KAZN: variants seen among roughly 807,000 people sequenced by gnomAD.
KAZN encodes the protein kazrin.
Under a neutral mutation model 87.4 loss-of-function variants are expected in KAZN, and 40 were observed. The ratio of observed to expected loss-of-function variants is 0.46; its 90% CI spans 0.36 to 0.60. The LOEUF (loss-of-function observed/expected upper bound fraction) is 0.60. Among genes scored for constraint, KAZN ranks in the 20% least tolerant of loss-of-function variants. The pLI, the probability that KAZN is intolerant of heterozygous loss-of-function variation, is 0.00. For missense variants in KAZN, 898 were observed against 1,073.9 expected (o/e 0.84, Z 2.29); for synonymous variants, 466 against 458.3 (o/e 1.02, Z -0.22).
chr1:15,006,370 C>A (rs889706205), intron 2 of KAZN, among the ~76,000 whole-genome samples: 3 of 152,160 alleles, frequency 2.0e-5, no homozygotes, highest in Admixed American at 6.5e-5. Flanking sequence ...ACCTTGCATG[C>A]AGCAGCAGCT....
chr1:15,105,104 G>A (rs550499316), intron 13 of KAZN, among the ~76,000 whole-genome samples: 1 of 152,290 alleles, frequency 6.6e-6, no homozygotes, highest in East Asian at 1.9e-4. Flanking sequence ...ATTTATAAGG[G>A]ATATTGGTCT....
intron 1 of KAZN, among the ~76,000 whole-genome samples, chr1:14,169,865 C>T (rs925499938): frequency 6.6e-6 from 1 of 152,170 alleles, no homozygotes; most frequent in African/African-American, 2.4e-5. Flanking sequence ...AAGATGAAGT[C>T]ACTTCCCAAC....
At chr1:15,095,431 T>C (rs1640764776) in intron 10 of KAZN, among the ~76,000 whole-genome samples, 1 of 152,178 alleles carries the variant, frequency 6.6e-6, no homozygotes, top group Non-Finnish European at 1.5e-5. Flanking sequence ...TTAGCAAGCA[T>C]ACCTGGGATG....
chr1:14,284,241 A>G (rs902062496), intron 2 of KAZN, among the ~76,000 whole-genome samples: 2 of 152,194 alleles, frequency 1.3e-5, no homozygotes, highest in Non-Finnish European at 1.5e-5. Flanking sequence ...TATACTAAAA[A>G]TATTGTATAT....
chr1:14,108,155 C>T (rs1323398000), intron 1 of KAZN, among the ~76,000 whole-genome samples: 1 of 152,088 alleles, frequency 6.6e-6, no homozygotes, highest in African/African-American at 2.4e-5. Flanking sequence ...GTACCCCAAA[C>T]TCCTCCAGTC....
At chr1:14,575,238 C>T (rs1456626191) in intron 2 of KAZN, among the ~76,000 whole-genome samples, 1 of 151,784 alleles carries the variant, frequency 6.6e-6, no homozygotes, top group Non-Finnish European at 1.5e-5. Flanking sequence ...TTAGTCTGTT[C>T]TCATGCTGCT....
At chr1:14,303,674 C>G (rs1654716367) in intron 2 of KAZN, among the ~76,000 whole-genome samples, 1 of 152,228 alleles carries the variant, frequency 6.6e-6, no homozygotes, top group African/African-American at 2.4e-5. Context: ...CAAGGCTCAT[C>G]TTTGCTTACA....
chr1:15,084,128 T>G (rs1640137881), intron 8 of KAZN, among the ~76,000 whole-genome samples: 1 of 152,220 alleles, frequency 6.6e-6, no homozygotes, highest in African/African-American at 2.4e-5. Flanking sequence ...AGGGAAGGGC[T>G]GAGCTGGGGG....
chr1:14,119,319 G>A (rs1288588111), intron 1 of KAZN, among the ~76,000 whole-genome samples: 1 of 152,096 alleles, frequency 6.6e-6, no homozygotes, highest in Non-Finnish European at 1.5e-5. Context: ...GCTCAGCCCA[G>A]AAGCTCTGGG....
At chr1:14,063,657 G>A (rs1642883537) in intron 1 of KAZN, among the ~76,000 whole-genome samples, 1 of 152,128 alleles carries the variant, frequency 6.6e-6, no homozygotes, top group Admixed American at 6.5e-5. Context: ...TTTCAGGTAG[G>A]TCAGTGATAT....
chr1:14,617,322 G>GC (rs944456613), intron 1 of KAZN, among the ~76,000 whole-genome samples: 2 of 152,176 alleles, frequency 1.3e-5, no homozygotes, highest in Non-Finnish European at 2.9e-5. Context: ...CTACATCGTA[G>GC]CCTATTAAGT....
intron 2 of KAZN, among the ~76,000 whole-genome samples, chr1:14,386,678 T>G (rs1009239795): frequency 2.6e-5 from 4 of 152,198 alleles, no homozygotes; most frequent in Admixed American, 6.5e-5. Flanking sequence ...TCTGCCGAGA[T>G]ATCCGCTGTT....
At chr1:14,739,807 G>C (rs1266940902) in intron 1 of KAZN, among the ~76,000 whole-genome samples, 1 of 151,364 alleles carries the variant, frequency 6.6e-6, no homozygotes, top group East Asian at 1.9e-4. Flanking sequence ...ATGTTGATCT[G>C]TCTGCCCACG....
chr1:15,075,891 G>A (rs181438355), intron 8 of KAZN, among the ~76,000 whole-genome samples: 49 of 152,366 alleles, frequency 3.2e-4, no homozygotes, highest in African/African-American at 9.1e-4. Context: ...CATGCTGCCA[G>A]GGTGTCTGGC....
At chr1:14,359,133 T>C (rs1659285880) in intron 2 of KAZN, among the ~76,000 whole-genome samples, 1 of 152,240 alleles carries the variant, frequency 6.6e-6, no homozygotes, top group Non-Finnish European at 1.5e-5. Flanking sequence ...ATATTTAGGA[T>C]AGTTAGCTCT....
At position 14,936,021 on chromosome 1, in the gene KAZN, C is replaced by T. The variant is rs550297158; in HGVS notation, c.227-24663C>T. Among the ~76,000 whole-genome samples the T allele has an allele frequency of 5.9e-5, 9 of 152,358 alleles. No homozygotes were observed. The South Asian group carries it at 6.2e-4, about 11-fold the overall frequency. ...CTCCAAGCCCCCCTGCCCTTGGGGA[C>T]GCCTGGACGACATCCGCCCATCCCA... is the stretch of plus-strand genomic sequence containing the variant. On this transcript the variant is annotated intron_variant, in intron 1 of 14. Transcript: ENST00000376030.
chr1:14,737,255 A>G (rs942349274), intron 1 of KAZN, among the ~76,000 whole-genome samples: 10 of 152,166 alleles, frequency 6.6e-5, no homozygotes, highest in Non-Finnish European at 1.5e-5. Flanking sequence ...CGGATGGTGC[A>G]GGAGTGATCA....
intron 3 of KAZN, among the ~76,000 whole-genome samples, chr1:15,042,614 G>A (rs1233870953): frequency 6.6e-6 from 1 of 152,130 alleles, no homozygotes; most frequent in Non-Finnish European, 1.5e-5. Flanking sequence ...TTACAGATGG[G>A]GAAACTGAGG....
At chr1:13,937,051 G>GT (rs70984302) in intron 1 of KAZN, among the ~76,000 whole-genome samples, 6,140 of 134,686 alleles carry the variant, frequency 0.046, 426 homozygotes, top group African/African-American at 0.15. Context: ...TTTTTCTTTT[G>GT]TTTTTTTTTT....
Sources: allele counts gnomAD v4.1 joint callset (sites outside exome capture counted in the v4.1 genomes callset), GRCh38; gene constraint gnomAD v4.1.1; transcripts MANE v1.5; gene names NCBI Gene and HGNC (gene_info 2026-07-23, HGNC 2026-07-21).